Variants in PCDHGA10 observed in about 807,000 individuals in gnomAD.
The protein encoded by PCDHGA10 is protocadherin gamma-A10.
Under a neutral mutation model 59.5 loss-of-function variants are expected in PCDHGA10, and 42 were observed. The ratio of observed to expected loss-of-function variants is 0.71; its 90% CI spans 0.55 to 0.91. PCDHGA10 has a LOEUF of 0.91. Ranked by LOEUF, PCDHGA10 falls within the 40% of genes least tolerant of loss-of-function variation. The probability of loss-of-function intolerance (pLI) is 0.00; values close to 1 mark genes in which losing one functional copy is unlikely to be tolerated. For missense variants in PCDHGA10, 1,111 were observed against 1,198.2 expected (o/e 0.93, Z 1.07); for synonymous variants, 511 against 517.2 (o/e 0.99, Z 0.16).
At chr5:141,419,762 A>G in intron 1 of PCDHGA10, 1 of 1,614,008 alleles carries the variant, frequency 6.2e-7, no homozygotes, top group Non-Finnish European at 8.5e-7. Context: ...TTTGGGTGAC[A>G]AGGACTCGGT....
At position 141,489,219 on chromosome 5, in the gene PCDHGA10, T is replaced by C; in HGVS notation, c.2437-5588T>C. 1 of 1,502,828 alleles carries C rather than the reference T, an allele frequency of 6.7e-7. No homozygotes were observed. Among genetic ancestry groups the C allele is most frequent in the Non-Finnish European group, 8.9e-7 (1 of 1,117,962 alleles). 93.1% of individuals were successfully genotyped at this position (1,502,828 alleles called of 1,614,324 possible). On this transcript the variant is annotated intron_variant, in intron 1 of 3. Transcript: ENST00000398610. This position sits in a 1 kb window ranked among gnomAD's most constrained non-coding sequence, Gnocchi z 4.5. ...GAGACAGGACAGCACAGACTTACTC[T>C]CCACAAAGGGACTTCTGGGTCATGG...
Position 141,485,954 on chromosome 5 carries a change from C to T in PCDHGA10, c.2437-8853C>T, listed in dbSNP as rs2154580519. The T allele has an allele frequency of 6.2e-7, 1 of 1,614,190 alleles. No individual in the cohort carries two copies. The highest frequency in any genetic ancestry group is 8.5e-7 in the Non-Finnish European group (1 of 1,180,038). ...GGAGAGCGCACCAGCGGGCATGGTG[C>T]TCATCCAGCTCAATGCCTCAGACCC... On this transcript the variant is annotated intron_variant, in intron 1 of 3. Coordinates refer to ENST00000398610, the MANE Select transcript of PCDHGA10 (RefSeq NM_018913.3). The surrounding 1 kb of genome is among the most constrained non-coding windows in gnomAD (Gnocchi z 5.7).
intron 2 of PCDHGA10, among the ~76,000 whole-genome samples, chr5:141,496,186 G>A (rs879940448): frequency 2.0e-5 from 3 of 152,018 alleles, no homozygotes; most frequent in Non-Finnish European, 4.4e-5. Flanking sequence ...AGCAGCCCCA[G>A]CTGCTCATTT....
At chr5:141,419,392 C>A (rs1338481275) in intron 1 of PCDHGA10, 1 of 1,613,612 alleles carries the variant, frequency 6.2e-7, no homozygotes, top group Non-Finnish European at 8.5e-7. Flanking sequence ...GCGCGCAGAG[C>A]GGGGTGGTGT....
At position 141,502,487 on chromosome 5, in the gene PCDHGA10, C is replaced by T. The variant is rs563658817; in HGVS notation, c.2496-2906C>T. ...TACTTCCCGCAGCATCACACTGGGACTCATCTAACGTCGGCCTGTCCCACT... is the reference window on the plus strand; with the variant it reads ...TACTTCCCGCAGCATCACACTGGGATTCATCTAACGTCGGCCTGTCCCACT... On this transcript the variant is annotated intron_variant, in intron 2 of 3. Coordinates refer to ENST00000398610, the MANE Select transcript of PCDHGA10 (RefSeq NM_018913.3). Among the ~76,000 whole-genome samples, 92 of 152,298 alleles carry T rather than the reference C, an allele frequency of 6.0e-4. 3 individuals are homozygous for T. The highest frequency in any genetic ancestry group is 1.5e-4 in the Non-Finnish European group (10 of 68,030).
chr5:141,427,960 G>A, intron 1 of PCDHGA10: 2 of 1,589,168 alleles, frequency 1.3e-6, no homozygotes, highest in East Asian at 2.2e-5. Context: ...AATGTGCCGC[G>A]GGTGCTGTAC....
chr5:141,426,085 C>T (rs1315114723), intron 1 of PCDHGA10, among the ~76,000 whole-genome samples: 7 of 152,148 alleles, frequency 4.6e-5, no homozygotes, highest in Non-Finnish European at 8.8e-5. Flanking sequence ...TCTACCAGGA[C>T]GATATTCTGT....
rs150897033 is a variant in PCDHGA10, at chr5:141,453,434, G to C, written c.2436+37823G>C. Among the ~76,000 whole-genome samples the C allele has an allele frequency of 3.9e-3, 592 of 151,994 alleles. 6 individuals are homozygous for C. The highest frequency in any genetic ancestry group is 0.011 in the Admixed American group (171 of 15,256). On this transcript the variant is annotated intron_variant, in intron 1 of 3. Coordinates refer to ENST00000398610, the MANE Select transcript of PCDHGA10 (RefSeq NM_018913.3). Reference sequence around the variant, plus strand: ...GGCATAAGCCACCACACCTAGCCTAGTATTCTTTTTTGAATATGTAAAACA... The same window carrying C: ...GGCATAAGCCACCACACCTAGCCTACTATTCTTTTTTGAATATGTAAAACA...
rs1210809217 is a variant in PCDHGA10 at position 141,432,990 on chromosome 5, A to G, written c.2436+17379A>G. The G allele has an allele frequency of 6.2e-7, 1 of 1,614,152 alleles. No individual in the cohort carries two copies. The highest frequency in any genetic ancestry group is 1.7e-5 in the Admixed American group (1 of 60,022). ...CCGGCGTCGCACTTTGTGGGCGTGGACGGGGTGCAGGCTTTCCTGCAGACC... is the reference window on the plus strand; with the variant it reads ...CCGGCGTCGCACTTTGTGGGCGTGGGCGGGGTGCAGGCTTTCCTGCAGACC... On this transcript the variant is annotated intron_variant, in intron 1 of 3. Transcript: ENST00000398610. This position sits in a 1 kb window ranked among gnomAD's most constrained non-coding sequence, Gnocchi z 6.0.
rs1191643556 is a variant in PCDHGA10 at position 141,486,302 on chromosome 5, C to A, written c.2437-8505C>A. On this transcript the variant is annotated intron_variant, in intron 1 of 3. Transcript: ENST00000398610. The surrounding 1 kb of genome is among the most constrained non-coding windows in gnomAD (Gnocchi z 5.0). ...GGTGGCACTTATCAGTGTGCAGGAT[C>A]CAGACTCAGGGTCAAACGGAGATGT... The A allele has an allele frequency of 6.2e-7, 1 of 1,614,036 alleles. No individual in the cohort carries two copies. The highest frequency in any genetic ancestry group is 8.5e-7 in the Non-Finnish European group (1 of 1,179,994).
In PCDHGA10 at chr5:141,432,296, G is replaced by T; in HGVS notation, c.2436+16685G>T. On this transcript the variant is annotated intron_variant, in intron 1 of 3. Coordinates refer to ENST00000398610, the MANE Select transcript of PCDHGA10 (RefSeq NM_018913.3). This position sits in a 1 kb window ranked among gnomAD's most constrained non-coding sequence, Gnocchi z 6.0. ...CGTGTCCATCAACTCCGACACTGGG[G>T]TACTGTATGCGCTGAGCTCCTTCGA... 1 of 1,614,224 alleles carries T rather than the reference G, an allele frequency of 6.2e-7. No individual in the cohort carries two copies. Among genetic ancestry groups the T allele is most frequent in the Non-Finnish European group, 8.5e-7 (1 of 1,180,044 alleles).
chr5:141,430,661 GCT>G, intron 1 of PCDHGA10: 1 of 1,159,744 alleles, frequency 8.6e-7, no homozygotes, highest in South Asian at 2.1e-5. Flanking sequence ...CAACGGAGGA[GCT>G]CTGACTTCCC....
chr5:141,481,934 AAT>A (rs1245984926), intron 1 of PCDHGA10, among the ~76,000 whole-genome samples: 5 of 147,494 alleles, frequency 3.4e-5, no homozygotes, highest in Admixed American at 3.4e-4. Flanking sequence ...AAAAAAAAAA[AAT>A]CAGCCAGATG....
intron 1 of PCDHGA10, chr5:141,418,622 G>C: frequency 6.2e-7 from 1 of 1,614,026 alleles, no homozygotes; most frequent in Non-Finnish European, 8.5e-7. Context: ...TCGGGAAGAC[G>C]TGCCTCCAGG....
chr5:141,496,554 G>T (rs2099769470), intron 2 of PCDHGA10, among the ~76,000 whole-genome samples: 1 of 152,160 alleles, frequency 6.6e-6, no homozygotes, highest in Non-Finnish European at 1.5e-5. Context: ...TTCTGGGCAT[G>T]CACAGTCCTG....
Position 141,491,992 on chromosome 5 carries a change from T to G in PCDHGA10, c.2437-2815T>G. ...GGCCTCCTTCGAGCTTCCGGTGAAT[T>G]TCGGGCGATTTCCGCGGGTGTCGGG... On this transcript the variant is annotated intron_variant, in intron 1 of 3. Transcript: ENST00000398610. This position sits in a 1 kb window ranked among gnomAD's most constrained non-coding sequence, Gnocchi z 6.9. The G allele has an allele frequency of 1.5e-6, 1 of 684,982 alleles. No homozygotes were observed. The highest frequency in any genetic ancestry group is 2.3e-6 in the Non-Finnish European group (1 of 443,370). The allele number at this position is 684,982 out of a possible 1,614,324, so 42.4% of individuals were successfully genotyped here.
At chr5:141,415,641 T>TA (rs113784532) in intron 1 of PCDHGA10, 30 bp downstream of exon 1, 91,654 of 1,192,004 alleles carry the variant, frequency 0.077, 689 homozygotes, top group South Asian at 0.099. Context: ...TTACTTTTGT[T>TA]AAAAAAAAAA....
intron 1 of PCDHGA10, chr5:141,423,820 C>T: frequency 7.9e-7 from 1 of 1,272,642 alleles, no homozygotes. Context: ...TTTTACTTTG[C>T]CTTTCATGAG....
rs773048793 is a variant in PCDHGA10, at chr5:141,505,456, A to T, written c.2559A>T (p.Gln853His). The T allele has an allele frequency of 1.3e-5, 21 of 1,614,110 alleles. No homozygotes were observed. The highest frequency in any genetic ancestry group is 1.7e-5 in the Non-Finnish European group (20 of 1,180,044). The change falls in exon 3 of 4, where the codon CAA becomes CAT. Residue 853 changes from glutamine (Q) to histidine (H), a missense_variant. By Grantham distance (24) the Gln-to-His change is conservative (BLOSUM62 0). Coordinates refer to ENST00000398610, the MANE Select transcript of PCDHGA10 (RefSeq NM_018913.3). ...ACCAGTTTGACACAGAGATGCTGCA[A>T]GCCATGATCTTGGCGTCCGCCAGTG... ...PNNQFDTEML[Q>H]AMILASASEA...
Sources: allele counts gnomAD v4.1 joint callset (sites outside exome capture counted in the v4.1 genomes callset), GRCh38; gene constraint gnomAD v4.1.1; non-coding constraint Gnocchi (gnomAD v3.1); transcripts MANE v1.5; gene names NCBI Gene and HGNC (gene_info 2026-07-23, HGNC 2026-07-21).